CNTN4: variants seen among roughly 807,000 people sequenced by gnomAD.
The protein encoded by CNTN4 is contactin 4, also known as contactin-4.
CNTN4 carries 77 observed loss-of-function variants against 122.5 expected under a neutral mutation model. The observed-to-expected ratio is 0.63, with a 90% CI of 0.52 to 0.76. CNTN4 has a LOEUF of 0.76. Among genes scored for constraint, CNTN4 ranks in the 30% least tolerant of loss-of-function variants. The pLI, the probability that CNTN4 is intolerant of heterozygous loss-of-function variation, is 0.00. For synonymous variants in CNTN4, 512 were observed against 447.0 expected, an observed-to-expected ratio of 1.15 and a Z score of -1.83; for missense variants, 1,256 against 1,259.1, an observed-to-expected ratio of 1.00 and a Z score of 0.04.
intron 3 of CNTN4, among the ~76,000 whole-genome samples, chr3:2,447,961 A>G (rs2048685363): frequency 6.6e-6 from 1 of 152,202 alleles, no homozygotes; most frequent in African/African-American, 2.4e-5. Context: ...TAAAAAAGAT[A>G]GAATCAAGCC....
intron 7 of CNTN4, among the ~76,000 whole-genome samples, chr3:2,852,458 C>G (rs887148580): frequency 6.6e-6 from 1 of 152,114 alleles, no homozygotes; most frequent in Non-Finnish European, 1.5e-5. Flanking sequence ...ACATGTAAGT[C>G]ATCAAATGAT....
chr3:3,017,712 T>G (rs1559793935), intron 14 of CNTN4, among the ~76,000 whole-genome samples: 1 of 152,184 alleles, frequency 6.6e-6, no homozygotes. Context: ...CATAACCTGA[T>G]ACAGGCCTTT....
intron 4 of CNTN4, among the ~76,000 whole-genome samples, chr3:2,584,201 T>C (rs187489404): frequency 6.6e-6 from 1 of 152,264 alleles, no homozygotes; most frequent in East Asian, 1.9e-4. Flanking sequence ...CCAATGCAAG[T>C]AAAACACTTC....
intron 2 of CNTN4, among the ~76,000 whole-genome samples, chr3:2,259,584 A>G (rs1418692428): frequency 6.6e-6 from 1 of 152,236 alleles, no homozygotes; most frequent in Non-Finnish European, 1.5e-5. Flanking sequence ...CAAAAGGCAC[A>G]TCTTACATGG....
At chr3:2,204,143 G>A (rs2038232304) in intron 2 of CNTN4, among the ~76,000 whole-genome samples, 1 of 151,936 alleles carries the variant, frequency 6.6e-6, no homozygotes, top group African/African-American at 2.4e-5. Context: ...TATTCCATCA[G>A]GAGTCATGTG....
chr3:2,564,462 C>T (rs537989692), intron 3 of CNTN4, among the ~76,000 whole-genome samples: 26 of 152,182 alleles, frequency 1.7e-4, no homozygotes, highest in Middle Eastern at 3.4e-3. Context: ...TCAAATGGCT[C>T]TAGGGATGAC....
chr3:2,147,337 C>T (rs1398867332), intron 2 of CNTN4, among the ~76,000 whole-genome samples: 1 of 151,488 alleles, frequency 6.6e-6, no homozygotes, highest in Non-Finnish European at 1.5e-5. Flanking sequence ...TATGTGTGTT[C>T]TTCATATCTT....
intron 17 of CNTN4, among the ~76,000 whole-genome samples, chr3:3,035,305 C>CAAAAA (rs1255595358): frequency 3.1e-5 from 2 of 64,468 alleles, no homozygotes; most frequent in Admixed American, 1.6e-4. Context: ...GACTCCGTCT[C>CAAAAA]AAAAAAAAAA....
At chr3:2,586,875 G>A (rs890459759) in intron 4 of CNTN4, among the ~76,000 whole-genome samples, 2 of 152,112 alleles carry the variant, frequency 1.3e-5, no homozygotes, top group African/African-American at 4.8e-5. Flanking sequence ...TTACTCTGCA[G>A]CCCCTACAGT....
intron 13 of CNTN4, among the ~76,000 whole-genome samples, chr3:2,969,222 G>A (rs892894738): frequency 1.3e-5 from 2 of 152,082 alleles, no homozygotes; most frequent in South Asian, 2.1e-4. Context: ...CTGGTGAAAC[G>A]ACAAATGACC....
At chr3:3,015,729 C>T (rs1246215148) in intron 14 of CNTN4, among the ~76,000 whole-genome samples, 1 of 152,192 alleles carries the variant, frequency 6.6e-6, no homozygotes, top group East Asian at 1.9e-4. Context: ...GTGTGAATGG[C>T]ACTTGGTTTT....
intron 9 of CNTN4, among the ~76,000 whole-genome samples, chr3:2,886,306 A>G (rs1392089087): frequency 6.6e-6 from 1 of 151,556 alleles, no homozygotes; most frequent in Admixed American, 6.6e-5. Context: ...CTGAGGCAGG[A>G]GAATCACTTG....
intron 6 of CNTN4, among the ~76,000 whole-genome samples, chr3:2,746,093 A>ACACACACC (rs2089746926): frequency 2.5e-5 from 1 of 40,366 alleles, no homozygotes. Context: ...TTTTACACAC[A>ACACACACC]CACACACACA....
At chr3:2,441,751 C>G (rs1260445315) in intron 3 of CNTN4, among the ~76,000 whole-genome samples, 1 of 152,102 alleles carries the variant, frequency 6.6e-6, no homozygotes, top group Non-Finnish European at 1.5e-5. Context: ...ATATTTTACC[C>G]AAGGACACTG....
At chr3:2,286,397 C>T (rs1469104099) in intron 2 of CNTN4, among the ~76,000 whole-genome samples, 1 of 150,340 alleles carries the variant, frequency 6.7e-6, no homozygotes, top group Non-Finnish European at 1.5e-5. Flanking sequence ...TATTGTGAAA[C>T]CTGAAAAGAA....
intron 3 of CNTN4, among the ~76,000 whole-genome samples, chr3:2,390,926 ATT>A (rs1474263901): frequency 1.3e-5 from 2 of 152,196 alleles, no homozygotes; most frequent in Non-Finnish European, 2.9e-5. Context: ...TTCAGAAAAT[ATT>A]TTGTTCTTCA....
At chr3:2,481,064 TCTTTCTCTCTTTCTCTCTTTCTC>T (rs2075987071) in intron 3 of CNTN4, among the ~76,000 whole-genome samples, 7 of 115,142 alleles carry the variant, frequency 6.1e-5, no homozygotes, top group Non-Finnish European at 9.4e-5. Flanking sequence ...TTTCTTTCTC[TCTTTCTCTCTTTCTCTCTTTCTC>T]TCTTTCTTTC....
At chr3:2,812,156 GA>G (rs2092628748) in intron 6 of CNTN4, among the ~76,000 whole-genome samples, 1 of 152,096 alleles carries the variant, frequency 6.6e-6, no homozygotes, top group African/African-American at 2.4e-5. Context: ...AGAGGATCAG[GA>G]AAAATAGCTA....
intron 4 of CNTN4, among the ~76,000 whole-genome samples, chr3:2,708,366 C>G (rs1368208789): frequency 1.3e-5 from 2 of 152,018 alleles, no homozygotes; most frequent in Non-Finnish European, 2.9e-5. Context: ...TAAAAGGTAA[C>G]CCATATGGAC....
Sources: allele counts gnomAD v4.1 joint callset (sites outside exome capture counted in the v4.1 genomes callset), GRCh38; gene constraint gnomAD v4.1.1; transcripts MANE v1.5; gene names NCBI Gene and HGNC (gene_info 2026-07-23, HGNC 2026-07-21).